The following ZRANB3 variants were observed in gnomAD, a reference collection of about 807,000 sequenced individuals.
ZRANB3 encodes the protein DNA annealing helicase and endonuclease ZRANB3.
Under a neutral mutation model 133.8 loss-of-function variants are expected in ZRANB3, and 125 were observed. The ratio of observed to expected loss-of-function variants is 0.93; its 90% CI spans 0.81 to 1.08. The LOEUF (loss-of-function observed/expected upper bound fraction) is 1.08, where lower values mean the gene tolerates loss of function less well. Ranked by LOEUF, ZRANB3 falls within the 50% of genes least tolerant of loss-of-function variation. The pLI, the probability that ZRANB3 is intolerant of heterozygous loss-of-function variation, is 0.00. For synonymous variants in ZRANB3, 387 were observed against 432.7 expected (o/e 0.89, Z 1.31); for missense variants, 1,229 against 1,275.5 (o/e 0.96, Z 0.56).
intron 4 of ZRANB3, among the ~76,000 whole-genome samples, chr2:135,352,344 A>T (rs1254499576): frequency 6.6e-6 from 1 of 151,948 alleles, no homozygotes; most frequent in South Asian, 2.1e-4. Flanking sequence ...AAAAAAAAAA[A>T]AATTAATTAA....
intron 8 of ZRANB3, among the ~76,000 whole-genome samples, chr2:135,310,972 A>AG (rs1174397701): frequency 1.2e-4 from 18 of 151,700 alleles, no homozygotes; most frequent in Admixed American, 3.9e-4. Context: ...AAAAAAAAAA[A>AG]GGAAGAAAAA....
intron 16 of ZRANB3, among the ~76,000 whole-genome samples, chr2:135,217,908 C>T (rs1694377318): frequency 6.6e-6 from 1 of 152,220 alleles, no homozygotes; most frequent in East Asian, 1.9e-4. Context: ...CTCCTGGGCT[C>T]CAGCAGTCCT....
At chr2:135,210,756 G>C (rs1251198927) in intron 17 of ZRANB3, among the ~76,000 whole-genome samples, 1 of 151,984 alleles carries the variant, frequency 6.6e-6, no homozygotes, top group African/African-American at 2.4e-5. Flanking sequence ...CAACATATTA[G>C]TCTGCTAATA....
intron 20 of ZRANB3, 34 bp downstream of exon 20, chr2:135,202,798 G>A (rs1284207477): frequency 6.3e-7 from 1 of 1,575,832 alleles, no homozygotes; most frequent in South Asian, 1.2e-5. Context: ...GACTTCTCAG[G>A]ATGCAGTCAA....
chr2:135,317,782 T>C (rs1265969298), intron 6 of ZRANB3, among the ~76,000 whole-genome samples: 2 of 152,196 alleles, frequency 1.3e-5, no homozygotes, highest in African/African-American at 2.4e-5. Context: ...ATGCCACTAG[T>C]TGATCCTAAG....
intron 6 of ZRANB3, among the ~76,000 whole-genome samples, chr2:135,330,896 T>C (rs963787025): frequency 1.2e-4 from 18 of 152,202 alleles, no homozygotes; most frequent in African/African-American, 4.1e-4. Context: ...AGTGATGATA[T>C]CCCTTTTATC....
chr2:135,200,470 C>T (rs746351952), intron 20 of ZRANB3, 30 bp from the exon 21 acceptor site: 21 of 1,531,770 alleles, frequency 1.4e-5, no homozygotes, highest in South Asian at 2.4e-5. Context: ...CATGTGTACA[C>T]GTTAGGAAAA....
At chr2:135,382,856 G>C (rs1345676555) in intron 3 of ZRANB3, among the ~76,000 whole-genome samples, 1 of 152,092 alleles carries the variant, frequency 6.6e-6, no homozygotes, top group Admixed American at 6.6e-5. Context: ...AACATGGAAA[G>C]GAAAAACCAC....
Position 135,461,058 on chromosome 2 carries a change from C to T in ZRANB3, c.161+43271G>A, listed in dbSNP as rs953121959. On this transcript the variant is annotated intron_variant, in intron 2 of 20. Transcript: ENST00000264159. ...CTGTAAATATAAAACATTTCTATCACTGCATAAAGTTCTATTGGATAGCAA... is the reference window on the plus strand; with the variant it reads ...CTGTAAATATAAAACATTTCTATCATTGCATAAAGTTCTATTGGATAGCAA... Among the ~76,000 whole-genome samples the T allele has an allele frequency of 1.6e-4, 25 of 152,152 alleles. 1 individual carries two copies. Among genetic ancestry groups the T allele is most frequent in the Non-Finnish European group, 7.4e-5 (5 of 68,026 alleles).
chr2:135,272,624 A>G (rs1680585128), intron 9 of ZRANB3, among the ~76,000 whole-genome samples: 1 of 151,810 alleles, frequency 6.6e-6, no homozygotes, highest in Non-Finnish European at 1.5e-5. Flanking sequence ...AGTGTTAGCC[A>G]GGATGGTCTC....
intron 17 of ZRANB3, among the ~76,000 whole-genome samples, chr2:135,212,518 A>C (rs1250230826): frequency 1.3e-5 from 2 of 152,230 alleles, no homozygotes; most frequent in East Asian, 3.8e-4. Context: ...GCTTTCCTAC[A>C]AGAGGTTTAA....
chr2:135,499,851 C>T (rs549580870), intron 2 of ZRANB3, among the ~76,000 whole-genome samples: 36 of 152,170 alleles, frequency 2.4e-4, no homozygotes, highest in African/African-American at 8.7e-4. Context: ...TTCAAACCCC[C>T]AGTACCTCAG....
chr2:135,501,612 G>A (rs914203034), intron 2 of ZRANB3, among the ~76,000 whole-genome samples: 11 of 152,026 alleles, frequency 7.2e-5, no homozygotes, highest in African/African-American at 1.7e-4. Context: ...ATCAAGGCTC[G>A]TGCATTACTT....
intron 12 of ZRANB3, among the ~76,000 whole-genome samples, chr2:135,232,851 G>A (rs1695097983): frequency 6.6e-6 from 1 of 152,182 alleles, no homozygotes; most frequent in African/African-American, 2.4e-5. Flanking sequence ...GGAAAAAACA[G>A]AGCAGAAAAA....
chr2:135,501,460 C>T, intron 2 of ZRANB3, among the ~76,000 whole-genome samples: 1 of 152,122 alleles, frequency 6.6e-6, no homozygotes, highest in East Asian at 1.9e-4. Flanking sequence ...GAACATTCTT[C>T]TATTCAATGA....
chr2:135,299,479 C>G (rs1257935345), intron 8 of ZRANB3, among the ~76,000 whole-genome samples: 1 of 152,136 alleles, frequency 6.6e-6, no homozygotes, highest in Non-Finnish European at 1.5e-5. Context: ...AGCACCATCC[C>G]CCTCCCCAGG....
At chr2:135,469,060 T>TTACAATTCAAAACTAAACTTCTGAAGA (rs944811621) in intron 2 of ZRANB3, among the ~76,000 whole-genome samples, 2 of 152,128 alleles carry the variant, frequency 1.3e-5, no homozygotes, top group East Asian at 3.8e-4. Context: ...TTATGACTGA[T>TTACAATTCAAAACTAAACTTCTGAAGA]TACAATTCAA....
intron 11 of ZRANB3, among the ~76,000 whole-genome samples, chr2:135,267,096 T>C (rs1277301032): frequency 1.3e-5 from 2 of 152,246 alleles, no homozygotes; most frequent in Non-Finnish European, 2.9e-5. Context: ...AATAAATCTC[T>C]TAAAATATTT....
intron 2 of ZRANB3, among the ~76,000 whole-genome samples, chr2:135,469,529 A>G (rs1691157939): frequency 6.6e-6 from 1 of 152,206 alleles, no homozygotes; most frequent in African/African-American, 2.4e-5. Context: ...ATACTAATGT[A>G]TAATAGAATT....
Sources: allele counts gnomAD v4.1 joint callset (sites outside exome capture counted in the v4.1 genomes callset), GRCh38; gene constraint gnomAD v4.1.1; transcripts MANE v1.5; gene names NCBI Gene and HGNC (gene_info 2026-07-23, HGNC 2026-07-21).